RBFOX1: variants seen among roughly 807,000 people sequenced by gnomAD.
RBFOX1 encodes the protein RNA binding protein fox-1 homolog 1.
RBFOX1 carries 8 observed loss-of-function variants against 57.7 expected under a neutral mutation model. The observed-to-expected ratio is 0.14, with a 90% confidence interval of 0.08 to 0.25. RBFOX1 has a LOEUF of 0.25. Among genes scored for constraint, RBFOX1 ranks in the 10% least tolerant of loss-of-function variants. RBFOX1 has a pLI of 1.00. For synonymous variants in RBFOX1, 326 were observed against 222.4 expected (o/e 1.47, Z -4.15); for missense variants, 611 against 548.5 (o/e 1.11, Z -1.14).
At chr16:7,674,972 C>G (rs2072828030) in intron 13 of RBFOX1, among the ~76,000 whole-genome samples, 1 of 152,210 alleles carries the variant, frequency 6.6e-6, no homozygotes, top group East Asian at 1.9e-4. Flanking sequence ...CACATGGCAT[C>G]TGATTGCTGC....
At chr16:6,500,922 C>G (rs1234921534) in intron 2 of RBFOX1, among the ~76,000 whole-genome samples, 1 of 32,208 alleles carries the variant, frequency 3.1e-5, no homozygotes, top group Non-Finnish European at 9.8e-5. Context: ...CATCCTCTGT[C>G]CCTTGTTAAG....
intron 4 of RBFOX1, among the ~76,000 whole-genome samples, chr16:7,408,991 C>A (rs893988738): frequency 6.6e-6 from 1 of 152,180 alleles, no homozygotes; most frequent in Non-Finnish European, 1.5e-5. Context: ...CATCCCCGCC[C>A]GTCAATTCTT....
chr16:5,583,163 A>T (rs990028796), intron 2 of RBFOX1, among the ~76,000 whole-genome samples: 2 of 152,236 alleles, frequency 1.3e-5, no homozygotes, highest in African/African-American at 4.8e-5. Flanking sequence ...TTGTACAGCC[A>T]TAGAATGCCA....
intron 3 of RBFOX1, among the ~76,000 whole-genome samples, chr16:6,681,064 C>A (rs541187513): frequency 6.6e-6 from 1 of 152,204 alleles, no homozygotes; most frequent in African/African-American, 2.4e-5. Flanking sequence ...TAATGCCAGT[C>A]CTTTGCAAGG....
At position 6,654,737 on chromosome 16, in the gene RBFOX1, G is replaced by A. The variant is rs965169324; in HGVS notation, c.-16+87G>A. 4 of 1,015,650 alleles carry A rather than the reference G, an allele frequency of 3.9e-6. No individual in the cohort carries two copies. The South Asian group carries it at 5.3e-5, about 13-fold the overall frequency. The allele number at this position is 1,015,650 out of a possible 1,614,324, so 62.9% of individuals were successfully genotyped here. A position where few individuals can be genotyped will look rare whatever the true frequency, so the allele number is the denominator to read the frequency against. On this transcript the variant is annotated intron_variant, in intron 3 of 15. Transcript: ENST00000550418. The stretch of plus-strand genomic sequence containing the variant: ...CAGGTGTTTAAGGCATGCCCCTCTC[G>A]ATGATGGTTTTTAGGTGATTCACGG...
At chr16:6,047,954 T>C (rs1426313102) in intron 1 of RBFOX1, among the ~76,000 whole-genome samples, 1 of 152,226 alleles carries the variant, frequency 6.6e-6, no homozygotes, top group Admixed American at 6.5e-5. Flanking sequence ...GTCTGCATGT[T>C]GGAGGCACAT....
intron 3 of RBFOX1, among the ~76,000 whole-genome samples, chr16:7,048,397 C>G (rs1426432026): frequency 6.6e-6 from 1 of 151,890 alleles, no homozygotes; most frequent in East Asian, 1.9e-4. Context: ...GTAGCTGGGA[C>G]TACAGTCGCG....
At position 7,653,913 on chromosome 16, in the gene RBFOX1, G is replaced by A. The variant is rs1314219238; in HGVS notation, c.856G>A (p.Ala286Thr). 1.9e-6 allele frequency: 3 copies of A among 1,575,574 alleles called. No homozygotes were observed. Among genetic ancestry groups the A allele is most frequent in the South Asian group, 2.3e-5 (2 of 88,392 alleles). ...GRTVYNTFRAAAPPPPIPAYG... is the reference protein window; with the variant it reads ...GRTVYNTFRATAPPPPIPAYG... ...CACCGTGTACAACACCTTCAGGGCC[G>A]CGGCGCCCCCGCCCCCGATCCCGGC... The change falls in exon 12 of 16, where the codon GCG becomes ACG. Residue 286 changes from alanine to threonine, a missense_variant. This residue lies in a region of RBFOX1 where 267 missense variants were observed against 229.1 expected (regional missense o/e 1.17). Transcript: ENST00000550418.
At chr16:6,008,687 A>T (rs923790323) in intron 4 of RBFOX1, among the ~76,000 whole-genome samples, 1 of 152,160 alleles carries the variant, frequency 6.6e-6, no homozygotes, top group African/African-American at 2.4e-5. Context: ...ACCCAGAGGA[A>T]AGATGGACAC....
intron 4 of RBFOX1, among the ~76,000 whole-genome samples, chr16:7,294,021 T>A (rs1192723789): frequency 1.3e-5 from 2 of 152,124 alleles, no homozygotes; most frequent in Non-Finnish European, 2.9e-5. Context: ...TTCTGAGCAT[T>A]TCTGGGGTCA....
chr16:6,918,707 T>A (rs559138730), intron 3 of RBFOX1, among the ~76,000 whole-genome samples: 1 of 152,312 alleles, frequency 6.6e-6, no homozygotes, highest in South Asian at 2.1e-4. Context: ...AAAGAAATCA[T>A]TCTCTGCCTT....
chr16:5,650,495 C>T (rs756200114), intron 3 of RBFOX1, among the ~76,000 whole-genome samples: 24 of 152,270 alleles, frequency 1.6e-4, no homozygotes, highest in East Asian at 5.8e-4. Context: ...TGCTATTAAA[C>T]GGGAGTGTGA....
chr16:6,450,637 A>G (rs1180804816), intron 2 of RBFOX1, among the ~76,000 whole-genome samples: 2 of 148,362 alleles, frequency 1.3e-5, no homozygotes, highest in African/African-American at 2.5e-5. Context: ...ATCACCTCTT[A>G]ACAAGATAGA....
chr16:6,259,368 T>C (rs1272003939), intron 1 of RBFOX1, among the ~76,000 whole-genome samples: 2 of 152,158 alleles, frequency 1.3e-5, no homozygotes, highest in Admixed American at 1.3e-4. Context: ...TTGAAAAACT[T>C]CATCAGGACT....
intron 4 of RBFOX1, among the ~76,000 whole-genome samples, chr16:7,274,467 G>T (rs1278274875): frequency 6.6e-6 from 1 of 152,008 alleles, no homozygotes; most frequent in African/African-American, 2.4e-5. Flanking sequence ...AGCAAAGTCA[G>T]TTTCCTTCTT....
At chr16:6,773,948 C>G in intron 3 of RBFOX1, 1 of 985,298 alleles carries the variant, frequency 1.0e-6, no homozygotes, top group Non-Finnish European at 1.2e-6. Flanking sequence ...TGTGTGTGCA[C>G]ACGCACATGG....
intron 1 of RBFOX1, among the ~76,000 whole-genome samples, chr16:6,123,556 A>G (rs577192724): frequency 1.3e-5 from 2 of 152,340 alleles, no homozygotes; most frequent in African/African-American, 2.4e-5. Context: ...TGGGAAGATG[A>G]TAAAATTATG....
chr16:5,856,575 G>GTGTATATATATATATATA (rs1192496608), intron 3 of RBFOX1, among the ~76,000 whole-genome samples: 62 of 32,900 alleles, frequency 1.9e-3, no homozygotes, highest in South Asian at 2.9e-3. Flanking sequence ...GTGTGTGTGT[G>GTGTATATATATATATATA]TATATATATA....
intron 4 of RBFOX1, among the ~76,000 whole-genome samples, chr16:7,110,443 T>C (rs73542474): frequency 5.8e-4 from 88 of 152,164 alleles, no homozygotes; most frequent in Non-Finnish European, 1.0e-3. Context: ...ACAGCAAATA[T>C]GAGTGGAGAC....
Sources: allele counts gnomAD v4.1 joint callset (sites outside exome capture counted in the v4.1 genomes callset), GRCh38; gene constraint gnomAD v4.1.1; regional missense constraint gnomAD v4.1.1; transcripts MANE v1.5; gene names NCBI Gene and HGNC (gene_info 2026-07-23, HGNC 2026-07-21).